Variants in MPDZ observed in about 807,000 individuals in gnomAD.
MPDZ encodes the protein multiple PDZ domain protein.
Under a neutral mutation model 239.1 loss-of-function variants are expected in MPDZ, and 234 were observed. The ratio of observed to expected loss-of-function variants is 0.98; its 90% CI spans 0.88 to 1.09. The LOEUF is 1.09. Among genes scored for constraint, MPDZ ranks in the 50% least tolerant of loss-of-function variants. The probability of loss-of-function intolerance (pLI) is 0.00; values close to 1 mark genes in which losing one functional copy is unlikely to be tolerated. For synonymous variants in MPDZ, 1,048 were observed against 881.3 expected (o/e 1.19, Z -3.35); for missense variants, 3,175 against 2,510.0 (o/e 1.26, Z -5.66).
intron 1 of MPDZ, 84 bp downstream of exon 1, chr9:13,279,316 C>T (rs1231051644): frequency 2.9e-5 from 4 of 139,586 alleles, no homozygotes; most frequent in Non-Finnish European, 6.3e-5. Context: ...GAGCCCAGGG[C>T]GCCCGCGCAC....
rs771435270 is a variant in MPDZ at position 13,110,682 on chromosome 9, T to A, written c.5783A>T (p.Gln1928Leu). Residue 1928 changes from glutamine (Q) to leucine (L), a missense_variant, in exon 44 of 47, where the codon CAA (glutamine) becomes CTA (leucine). Coordinates refer to ENST00000319217, the MANE Select transcript of MPDZ (RefSeq NM_001378778.1). ...GTSTEGMTHT[Q>L]AVNLLKNASG... ...TGCATTTTTCAGTAGGTTAACTGCT[T>A]GGGTGTGAGTCATGCCCTCAGTGGA... is the stretch of plus-strand genomic sequence containing the variant. 4 of 1,613,790 alleles carry A rather than the reference T, an allele frequency of 2.5e-6. No individual in the cohort carries two copies. The South Asian group carries it at 3.3e-5, about 13-fold the overall frequency.
At chr9:13,129,609 T>C (rs920853017) in intron 32 of MPDZ, among the ~76,000 whole-genome samples, 6 of 152,170 alleles carry the variant, frequency 3.9e-5, no homozygotes, top group Non-Finnish European at 8.8e-5. Flanking sequence ...CCAGAGTGCA[T>C]ATAGTCCTTA....
At chr9:13,231,368 C>T (rs1962396186) in intron 3 of MPDZ, among the ~76,000 whole-genome samples, 1 of 151,964 alleles carries the variant, frequency 6.6e-6, no homozygotes, top group African/African-American at 2.4e-5. Flanking sequence ...GAGTTCGAGA[C>T]CAGCCTGGCC....
rs371244556 is a variant in MPDZ at position 13,251,113 on chromosome 9, A to T, written c.-57-741T>A. On this transcript the variant is annotated intron_variant, in intron 1 of 46. Coordinates refer to ENST00000319217, the MANE Select transcript of MPDZ (RefSeq NM_001378778.1). ...CACCGCACTCCAGCCTGGGCCACAGAACAAGACTCCATCTCAAAAAAAAAA... is the reference window on the plus strand; with the variant it reads ...CACCGCACTCCAGCCTGGGCCACAGTACAAGACTCCATCTCAAAAAAAAAA... Among the ~76,000 whole-genome samples, 3 of 147,516 alleles carry T rather than the reference A, an allele frequency of 2.0e-5. No individual in the cohort carries two copies. In the East Asian group the frequency reaches 5.9e-4, roughly 29 times the overall value.
At chr9:13,172,496 C>T (rs1951916348) in intron 21 of MPDZ, among the ~76,000 whole-genome samples, 1 of 151,654 alleles carries the variant, frequency 6.6e-6, no homozygotes, top group Non-Finnish European at 1.5e-5. Flanking sequence ...GATTCTCCTG[C>T]CTCAGCCTCC....
At chr9:13,139,799 A>G in intron 28 of MPDZ, 188 bp downstream of exon 28, 1 of 670,198 alleles carries the variant, frequency 1.5e-6, no homozygotes, top group Non-Finnish European at 2.6e-6. Context: ...GGAAAGGAAG[A>G]GCATGATTTC....
chr9:13,154,419 G>A (rs1162718515), intron 24 of MPDZ, among the ~76,000 whole-genome samples: 1 of 152,136 alleles, frequency 6.6e-6, no homozygotes, highest in Non-Finnish European at 1.5e-5. Context: ...CAGCTCTGAG[G>A]CCAGACTGCC....
At chr9:13,115,807 T>C (rs566303861) in intron 39 of MPDZ, among the ~76,000 whole-genome samples, 7 of 151,716 alleles carry the variant, frequency 4.6e-5, no homozygotes, top group South Asian at 2.1e-4. Context: ...TAGCTGGGCG[T>C]GGTGGCAGGC....
chr9:13,227,886 T>C lies in MPDZ; in HGVS notation c.184-3303A>G, dbSNP rs202199606. Among the ~76,000 whole-genome samples, 14 of 152,202 alleles carry C rather than the reference T, an allele frequency of 9.2e-5. No homozygotes were observed. The East Asian group carries it at 1.9e-3, about 21-fold the overall frequency. ...ATTTAATTATACCACCATACAAAAG[T>C]CTTATTTATAAATTGGCAAATTTAT... On this transcript the variant is annotated intron_variant, in intron 3 of 46. Transcript: ENST00000319217.
At chr9:13,214,593 C>T (rs985502978) in intron 10 of MPDZ, among the ~76,000 whole-genome samples, 31 of 151,920 alleles carry the variant, frequency 2.0e-4, no homozygotes, top group African/African-American at 6.8e-4. Context: ...TTCAATCAAG[C>T]TTATTTTTTT....
At chr9:13,120,252 A>T (rs1004515196) in intron 38 of MPDZ, 1 of 147,452 alleles carries the variant, frequency 6.8e-6, no homozygotes, top group Non-Finnish European at 1.5e-5. Flanking sequence ...ACAAAACTAT[A>T]AAAAAAAAAC....
intron 3 of MPDZ, among the ~76,000 whole-genome samples, chr9:13,231,540 A>G (rs1054287465): frequency 1.3e-5 from 2 of 152,106 alleles, no homozygotes; most frequent in African/African-American, 2.4e-5. Context: ...TGGGTGACAA[A>G]GAGCAACTCT....
intron 12 of MPDZ, among the ~76,000 whole-genome samples, chr9:13,198,669 T>C (rs2135381054): frequency 6.6e-6 from 1 of 151,814 alleles, no homozygotes; most frequent in South Asian, 2.1e-4. Context: ...CCCAGACAAA[T>C]CCAATGTCCT....
rs961439846 is a variant in MPDZ, at chr9:13,183,732, G to A, written c.2482-147C>T. On this transcript the variant is annotated intron_variant, in intron 18 of 46. Coordinates refer to ENST00000319217, the MANE Select transcript of MPDZ (RefSeq NM_001378778.1). ...GCCCTCTTAACCCTCATCAGACACT[G>A]CTAATGCAGCAGAACAAGGATAAAT... is the stretch of plus-strand genomic sequence containing the variant. The A allele has an allele frequency of 1.1e-5, 8 of 730,096 alleles. No individual in the cohort carries two copies. The Admixed American group carries it at 2.3e-4, about 21-fold the overall frequency. 45.2% of individuals were successfully genotyped at this position (730,096 alleles called of 1,614,324 possible).
At chr9:13,252,458 C>A (rs528887027) in intron 1 of MPDZ, among the ~76,000 whole-genome samples, 6 of 151,064 alleles carry the variant, frequency 4.0e-5, no homozygotes, top group African/African-American at 1.5e-4. Flanking sequence ...CCCAGCTACT[C>A]AGGAGTCTGA....
chr9:13,146,919 A>C (rs1417252660), intron 26 of MPDZ, among the ~76,000 whole-genome samples: 1 of 152,018 alleles, frequency 6.6e-6, no homozygotes, highest in Non-Finnish European at 1.5e-5. Context: ...TTTTAATGCT[A>C]TTTTACCTGT....
intron 1 of MPDZ, among the ~76,000 whole-genome samples, chr9:13,271,228 T>C (rs561708306): frequency 3.3e-5 from 5 of 152,234 alleles, no homozygotes; most frequent in Non-Finnish European, 7.3e-5. Context: ...TTAAATTTTC[T>C]ATGTTATGTT....
chr9:13,183,621 G>T, intron 18 of MPDZ, 36 bp from the exon 19 acceptor site: 1 of 1,597,244 alleles, frequency 6.3e-7, no homozygotes, highest in East Asian at 2.2e-5. Flanking sequence ...TGGGAATTCT[G>T]TTCTATTACA....
chr9:13,248,221 C>T (rs1966871320), intron 2 of MPDZ, among the ~76,000 whole-genome samples: 3 of 144,552 alleles, frequency 2.1e-5, no homozygotes, highest in East Asian at 2.0e-4. Flanking sequence ...GAGTGAGACT[C>T]CATCTCAAAA....
Sources: allele counts gnomAD v4.1 joint callset (sites outside exome capture counted in the v4.1 genomes callset), GRCh38; gene constraint gnomAD v4.1.1; transcripts MANE v1.5; gene names NCBI Gene and HGNC (gene_info 2026-07-23, HGNC 2026-07-21).